The following TRIM5 variants were observed in gnomAD, a reference collection of about 807,000 sequenced individuals.
TRIM5 encodes the protein tripartite motif containing 5.
In TRIM5, 31 loss-of-function variants were observed where a neutral mutation model predicts 35.6. The observed-to-expected ratio is 0.87, with a 90% CI of 0.65 to 1.18. TRIM5 has a LOEUF of 1.18. Among genes scored for constraint, TRIM5 ranks in the 50% most tolerant of loss-of-function variants. TRIM5 has a pLI of 0.00. For missense variants in TRIM5, 609 were observed against 591.6 expected (o/e 1.03, Z -0.31); for synonymous variants, 243 against 215.6 (o/e 1.13, Z -1.11).
At chr11:5,627,067 A>G in the TRIM5 span, among the ~76,000 whole-genome samples, 3 of 152,190 alleles carry the variant, frequency 2.0e-5, no homozygotes, top group South Asian at 6.2e-4. Flanking sequence ...AAGAACAGAG[A>G]TGAGAGCAGA....
intron 4 of TRIM5, among the ~76,000 whole-genome samples, chr11:5,676,055 T>C (rs1266257939): frequency 7.2e-6 from 1 of 138,692 alleles, no homozygotes; most frequent in Non-Finnish European, 1.6e-5. Flanking sequence ...GGCTGCATAG[T>C]ATTCCATGGT....
the TRIM5 span, among the ~76,000 whole-genome samples, chr11:5,604,180 G>C: frequency 6.6e-6 from 1 of 151,588 alleles, no homozygotes; most frequent in Non-Finnish European, 1.5e-5. Context: ...GTGTGTGCGT[G>C]TGTGTGTGTG....
At chr11:5,653,029 T>C in the TRIM5 span, among the ~76,000 whole-genome samples, 1 of 152,148 alleles carries the variant, frequency 6.6e-6, no homozygotes, top group East Asian at 1.9e-4. Flanking sequence ...ATTTTTTGTA[T>C]TTTTGGTAGA....
At chr11:5,673,510 A>G (rs1417233087) in intron 4 of TRIM5, among the ~76,000 whole-genome samples, 2 of 152,204 alleles carry the variant, frequency 1.3e-5, no homozygotes, top group Admixed American at 6.5e-5. Flanking sequence ...ACTCTCAGTA[A>G]TTAATAGAAA....
At chr11:5,630,001 C>T in the TRIM5 span, among the ~76,000 whole-genome samples, 391 of 152,238 alleles carry the variant, frequency 2.6e-3, 2 homozygotes, top group African/African-American at 9.0e-3. Flanking sequence ...CCACCGCGCC[C>T]GGCCTCAGTG....
intron 1 of TRIM5, among the ~76,000 whole-genome samples, chr11:5,683,272 G>A (rs1852671767): frequency 6.6e-6 from 1 of 152,216 alleles, no homozygotes; most frequent in African/African-American, 2.4e-5. Flanking sequence ...CACCACCCAA[G>A]GGCTGAGGAG....
At chr11:5,677,733 C>G (rs1166976131) in intron 4 of TRIM5, among the ~76,000 whole-genome samples, 1 of 151,884 alleles carries the variant, frequency 6.6e-6, no homozygotes, top group Non-Finnish European at 1.5e-5. Flanking sequence ...CCAGCCTTTA[C>G]TAGTGAATTC....
chr11:5,662,937 TG>T (rs1406235104), downstream of TRIM5, among the ~76,000 whole-genome samples: 1 of 152,150 alleles, frequency 6.6e-6, no homozygotes, highest in Non-Finnish European at 1.5e-5. Flanking sequence ...GGGATCCGCC[TG>T]GGCAACATAG....
the TRIM5 span, among the ~76,000 whole-genome samples, chr11:5,618,074 A>C: frequency 1.2e-3 from 190 of 152,292 alleles, 1 homozygote; most frequent in African/African-American, 4.4e-3. Flanking sequence ...ATGCTTATTT[A>C]TGTATCATCT....
At chr11:5,679,507 A>T (rs1232992100) in intron 2 of TRIM5, among the ~76,000 whole-genome samples, 2 of 152,140 alleles carry the variant, frequency 1.3e-5, no homozygotes, top group African/African-American at 4.8e-5. Context: ...CTTGGACACC[A>T]AATCTCTACC....
chr11:5,621,486 C>T, the TRIM5 span, among the ~76,000 whole-genome samples: 1 of 152,170 alleles, frequency 6.6e-6, no homozygotes, highest in South Asian at 2.1e-4. Flanking sequence ...TAAACTTGCT[C>T]ATTTTTCTGT....
chr11:5,623,489 TCCTGAGTA>T, the TRIM5 span, among the ~76,000 whole-genome samples: 4 of 151,422 alleles, frequency 2.6e-5, no homozygotes, highest in Middle Eastern at 0.01. Context: ...TGCCTCAGCC[TCCTGAGTA>T]GCTGGGATTA....
the TRIM5 span, chr11:5,596,706 C>T: frequency 1.2e-6 from 1 of 816,928 alleles, no homozygotes; most frequent in Non-Finnish European, 1.9e-6. Flanking sequence ...CGGCCAAAGG[C>T]TGGCGGAGGA....
chr11:5,625,473 GTC>G, the TRIM5 span, among the ~76,000 whole-genome samples: 19 of 152,148 alleles, frequency 1.2e-4, no homozygotes, highest in Non-Finnish European at 2.8e-4. Context: ...GTGAAAGGAG[GTC>G]TCTGTTTTCC....
intron 1 of TRIM5, among the ~76,000 whole-genome samples, chr11:5,683,168 C>G (rs189978271): frequency 0.02 from 2,989 of 152,312 alleles, 99 homozygotes; most frequent in African/African-American, 0.069. Flanking sequence ...CTGCAGCCCA[C>G]CATGCCTGAG....
chr11:5,645,882 T>A, the TRIM5 span: 6,775 of 114,642 alleles, frequency 0.059, 209 homozygotes, highest in East Asian at 0.17. Context: ...AAAAAAAAAA[T>A]ATATATATAT....
chr11:5,597,155 C>A, the TRIM5 span, among the ~76,000 whole-genome samples: 1 of 152,210 alleles, frequency 6.6e-6, no homozygotes, highest in African/African-American at 2.4e-5. Flanking sequence ...AATCCTGACT[C>A]TGACAGACAC....
chr11:5,651,435 T>C, the TRIM5 span, among the ~76,000 whole-genome samples: 2 of 152,218 alleles, frequency 1.3e-5, no homozygotes, highest in African/African-American at 4.8e-5. Flanking sequence ...TGTCTGTTGT[T>C]CCCTTCTTTG....
chr11:5,647,930 C>T, the TRIM5 span, among the ~76,000 whole-genome samples: 21 of 152,134 alleles, frequency 1.4e-4, no homozygotes, highest in Non-Finnish European at 2.6e-4. Flanking sequence ...TTGATCCACA[C>T]ACTCTGTGAC....
Sources: gnomAD v4.1 joint callset for allele counts (sites outside exome capture counted in the v4.1 genomes callset) on GRCh38, gnomAD v4.1.1 for gene constraint, MANE v1.5 for transcripts, NCBI Gene and HGNC (gene_info 2026-07-23, HGNC 2026-07-21) for gene names.